The following USP37 variants were observed in gnomAD, a reference collection of about 807,000 sequenced individuals.
The protein encoded by USP37 is ubiquitin carboxyl-terminal hydrolase 37.
USP37 carries 27 observed loss-of-function variants against 124.0 expected under a neutral mutation model. The observed-to-expected ratio is 0.22, with a 90% CI of 0.16 to 0.30. USP37 has a LOEUF of 0.30. USP37 is among the 10% of genes least tolerant of loss of function. The probability of loss-of-function intolerance (pLI) is 1.00; values close to 1 mark genes in which losing one functional copy is unlikely to be tolerated. For missense variants in USP37, 889 were observed against 1,140.4 expected (o/e 0.78, Z 3.17); for synonymous variants, 365 against 388.0 (o/e 0.94, Z 0.70).
In USP37 at chr2:218,542,693, G is replaced by A; in HGVS notation, c.680+3528C>T. 1.3e-5 allele frequency among the ~76,000 whole-genome samples: 2 copies of A among 152,164 alleles called. 1 individual carries two copies. The highest frequency in any genetic ancestry group is 1.3e-4 in the Admixed American group (2 of 15,274). ...CTGTTAGCTTCATGATAGAATAGCTGGGAGCATCTTTGGTGATCTGGTTTG... is the reference window on the plus strand; with the variant it reads ...CTGTTAGCTTCATGATAGAATAGCTAGGAGCATCTTTGGTGATCTGGTTTG... On this transcript the variant is annotated intron_variant, in intron 8 of 25. Transcript: ENST00000258399.
chr2:218,487,685 C>T (rs1439855911), intron 15 of USP37, among the ~76,000 whole-genome samples: 2 of 152,120 alleles, frequency 1.3e-5, no homozygotes, highest in Non-Finnish European at 2.9e-5. Flanking sequence ...TCCCAAAGTG[C>T]TGGGATTACA....
At chr2:218,460,112 T>G (rs1252167837) in intron 22 of USP37, among the ~76,000 whole-genome samples, 1 of 104,144 alleles carries the variant, frequency 9.6e-6, no homozygotes, top group African/African-American at 3.8e-5. Flanking sequence ...AAAAAAAAAT[T>G]AGCCAGGAGT....
chr2:218,498,958 T>C (rs1022243317), intron 11 of USP37, among the ~76,000 whole-genome samples: 1 of 152,128 alleles, frequency 6.6e-6, no homozygotes, highest in Non-Finnish European at 1.5e-5. Context: ...GCCAAATCTT[T>C]TTCCTAAGTA....
chr2:218,532,111 A>G (rs1186679216), intron 9 of USP37, among the ~76,000 whole-genome samples: 7 of 152,214 alleles, frequency 4.6e-5, no homozygotes, highest in East Asian at 1.9e-4. Context: ...AAGCAGCATC[A>G]CATGCTACAG....
chr2:218,517,642 AGAC>A (rs367730572), intron 10 of USP37, among the ~76,000 whole-genome samples: 1 of 152,114 alleles, frequency 6.6e-6, no homozygotes, highest in African/African-American at 2.4e-5. Flanking sequence ...GTTGCTTTTG[AGAC>A]TTTGTCTTTA....
chr2:218,460,895 T>C (rs1689984230), intron 22 of USP37, among the ~76,000 whole-genome samples: 1 of 151,534 alleles, frequency 6.6e-6, no homozygotes, highest in South Asian at 2.1e-4. Flanking sequence ...GAGCCGAGAT[T>C]GCGCCACTGC....
chr2:218,533,707 A>C (rs1045925311), intron 9 of USP37, among the ~76,000 whole-genome samples: 4 of 152,192 alleles, frequency 2.6e-5, no homozygotes, highest in Middle Eastern at 3.2e-3. Flanking sequence ...CTAAAAGAAG[A>C]ATATTCCTAG....
chr2:218,550,491 A>G (rs1692604786), intron 5 of USP37, among the ~76,000 whole-genome samples: 1 of 152,138 alleles, frequency 6.6e-6, no homozygotes, highest in African/African-American at 2.4e-5. Context: ...GAAATGTTTT[A>G]ATTTTTCAAA....
intron 21 of USP37, among the ~76,000 whole-genome samples, chr2:218,464,495 C>T (rs1690204201): frequency 6.6e-6 from 1 of 152,186 alleles, no homozygotes; most frequent in African/African-American, 2.4e-5. Flanking sequence ...ACCTTGGCCT[C>T]CCAAAGTGCT....
chr2:218,536,570 T>C (rs1372918048), intron 8 of USP37, among the ~76,000 whole-genome samples: 13 of 152,358 alleles, frequency 8.5e-5, no homozygotes, highest in African/African-American at 2.6e-4. Context: ...TTCTGTAATA[T>C]CAGGATGAAG....
intron 23 of USP37, among the ~76,000 whole-genome samples, 170 bp downstream of exon 23, chr2:218,459,620 T>C (rs1425095762): frequency 6.6e-6 from 1 of 152,188 alleles, no homozygotes; most frequent in Non-Finnish European, 1.5e-5. Flanking sequence ...TTTTAAATCT[T>C]GTATGTGAAA....
chr2:218,545,206 A>G (rs1280389376), intron 8 of USP37, among the ~76,000 whole-genome samples: 1 of 152,244 alleles, frequency 6.6e-6, no homozygotes, highest in Non-Finnish European at 1.5e-5. Context: ...TAGTTGAAAT[A>G]CAGGCATATT....
chr2:218,482,320 C>T (rs1007532886), intron 16 of USP37, 86 bp from the exon 17 acceptor site: 28 of 1,375,274 alleles, frequency 2.0e-5, no homozygotes, highest in East Asian at 5.0e-5. Context: ...CTATGTTAGA[C>T]GACTTTTGAT....
chr2:218,535,701 A>G (rs189492827), intron 8 of USP37, among the ~76,000 whole-genome samples: 2,106 of 151,780 alleles, frequency 0.014, 15 homozygotes, highest in Non-Finnish European at 0.021. Context: ...CTAAAAATAC[A>G]ATAATTAGCT....
At chr2:218,555,212 T>C (rs12619347) in intron 4 of USP37, among the ~76,000 whole-genome samples, 42,680 of 152,156 alleles carry the variant, frequency 0.28, 7,570 homozygotes, top group Non-Finnish European at 0.39. Flanking sequence ...CAGGCATATA[T>C]AAAAGTTTCT....
At chr2:218,557,424 G>A (rs963076447) in intron 4 of USP37, among the ~76,000 whole-genome samples, 1 of 151,864 alleles carries the variant, frequency 6.6e-6, no homozygotes, top group Non-Finnish European at 1.5e-5. Context: ...ATATATGCAT[G>A]TGACAAACTA....
intron 4 of USP37, among the ~76,000 whole-genome samples, chr2:218,556,876 CCT>C (rs1180481248): frequency 3.3e-5 from 5 of 151,768 alleles, no homozygotes; most frequent in African/African-American, 2.4e-5. Context: ...CTTACCAGCC[CCT>C]GTCCCCCAAC....
chr2:218,547,152 G>C, intron 6 of USP37, 61 bp from the exon 7 acceptor site: 2 of 1,509,590 alleles, frequency 1.3e-6, no homozygotes, highest in Non-Finnish European at 1.8e-6. Flanking sequence ...TTTTAGAACA[G>C]TGATTCTCCA....
intron 8 of USP37, among the ~76,000 whole-genome samples, chr2:218,545,840 C>CT (rs1201867363): frequency 6.6e-6 from 1 of 152,042 alleles, no homozygotes; most frequent in East Asian, 1.9e-4. Flanking sequence ...TCTAGGCTGA[C>CT]TTTTTACATG....
Sources: allele counts gnomAD v4.1 joint callset (sites outside exome capture counted in the v4.1 genomes callset), GRCh38; gene constraint gnomAD v4.1.1; transcripts MANE v1.5; gene names NCBI Gene and HGNC (gene_info 2026-07-23, HGNC 2026-07-21).